DLC1: variants seen among roughly 807,000 people sequenced by gnomAD.
DLC1 encodes DLC1 Rho GTPase activating protein.
Under a neutral mutation model 140.3 loss-of-function variants are expected in DLC1, and 54 were observed. The ratio of observed to expected loss-of-function variants is 0.38; its 90% CI spans 0.31 to 0.48. The LOEUF is 0.48. Ranked by LOEUF, DLC1 falls within the 20% of genes least tolerant of loss-of-function variation. The pLI is 0.96. For synonymous variants in DLC1, 986 were observed against 728.1 expected (o/e 1.35, Z -5.70); for missense variants, 2,536 against 1,907.0 (o/e 1.33, Z -6.14).
chr8:13,478,537 A>T lies in DLC1; in HGVS notation c.1023+20512T>A, dbSNP rs148110925. On this transcript the variant is annotated intron_variant, in intron 2 of 17. Coordinates refer to ENST00000276297, the MANE Select transcript of DLC1 (RefSeq NM_182643.3). ...CCCTTCTGTTCAAAGATGAACTCAT[A>T]GCTAAAAAATGCAAGACATCCCGTT... Among the ~76,000 whole-genome samples the T allele has an allele frequency of 3.4e-3, 516 of 152,312 alleles. 3 individuals carry two copies. Among genetic ancestry groups the T allele is most frequent in the African/African-American group, 0.012 (503 of 41,566 alleles).
intron 5 of DLC1, among the ~76,000 whole-genome samples, chr8:13,131,177 A>T (rs1052443980): frequency 6.6e-6 from 1 of 152,176 alleles, no homozygotes; most frequent in Non-Finnish European, 1.5e-5. Context: ...CAACTCCATT[A>T]ATTCCACACT....
intron 5 of DLC1, among the ~76,000 whole-genome samples, chr8:13,170,687 G>A (rs951398815): frequency 2.9e-5 from 4 of 139,918 alleles, no homozygotes; most frequent in South Asian, 2.2e-4. Context: ...CCGAGATCGC[G>A]CCACTGCACT....
chr8:13,183,557 G>A (rs1264366295), intron 5 of DLC1, among the ~76,000 whole-genome samples: 1 of 152,134 alleles, frequency 6.6e-6, no homozygotes, highest in Admixed American at 6.5e-5. Flanking sequence ...GGCCTTTTCT[G>A]CATCTATTGA....
intron 5 of DLC1, among the ~76,000 whole-genome samples, chr8:13,248,763 T>C (rs1439701996): frequency 6.6e-6 from 1 of 152,198 alleles, no homozygotes; most frequent in Admixed American, 6.5e-5. Flanking sequence ...GCCAGTCTTT[T>C]ACTCTTGAAC....
intron 5 of DLC1, among the ~76,000 whole-genome samples, chr8:13,173,960 C>T (rs1825629320): frequency 6.6e-6 from 1 of 152,072 alleles, no homozygotes; most frequent in African/African-American, 2.4e-5. Context: ...GATCTCATCA[C>T]CCAGGTAGTG....
intron 5 of DLC1, among the ~76,000 whole-genome samples, chr8:13,160,656 G>T (rs1363257081): frequency 2.6e-5 from 4 of 152,202 alleles, no homozygotes; most frequent in Non-Finnish European, 5.9e-5. Context: ...ACCGCAGAAA[G>T]CTTCATGCAT....
intron 1 of DLC1, among the ~76,000 whole-genome samples, chr8:13,552,886 A>C (rs370428502): frequency 6.6e-6 from 1 of 151,948 alleles, no homozygotes; most frequent in Non-Finnish European, 1.5e-5. Context: ...TCTAGAGAGC[A>C]TTAATATGTA....
At chr8:13,088,131 G>A (rs533760233) in intron 16 of DLC1, among the ~76,000 whole-genome samples, 7 of 152,236 alleles carry the variant, frequency 4.6e-5, no homozygotes, top group Admixed American at 3.3e-4. Context: ...CCCAGGCTGC[G>A]GTACAGTGGC....
chr8:13,193,996 T>C (rs1427525587), intron 5 of DLC1, among the ~76,000 whole-genome samples: 1 of 152,206 alleles, frequency 6.6e-6, no homozygotes, highest in African/African-American at 2.4e-5. Flanking sequence ...CAGGCTTATA[T>C]GTGCACTAAA....
chr8:13,200,986 C>CA (rs1585898293), intron 5 of DLC1, among the ~76,000 whole-genome samples: 2 of 152,046 alleles, frequency 1.3e-5, no homozygotes, highest in East Asian at 1.9e-4. Context: ...AGAACACACA[C>CA]AAAAAATGGA....
At chr8:13,231,735 C>A (rs1829054391) in intron 5 of DLC1, among the ~76,000 whole-genome samples, 1 of 152,190 alleles carries the variant, frequency 6.6e-6, no homozygotes, top group South Asian at 2.1e-4. Context: ...CATTATTGAG[C>A]ACAGCGATGT....
chr8:13,503,508 G>C (rs1414639502), intron 1 of DLC1, among the ~76,000 whole-genome samples: 2 of 152,072 alleles, frequency 1.3e-5, no homozygotes. Flanking sequence ...CTCTATTTTT[G>C]CACTTGTCTC....
chr8:13,376,191 C>G (rs1474974643), intron 4 of DLC1, among the ~76,000 whole-genome samples: 2 of 152,118 alleles, frequency 1.3e-5, no homozygotes, highest in Non-Finnish European at 2.9e-5. Context: ...CTCCCATTTT[C>G]TCTTCCAGAG....
chr8:13,500,522 C>G (rs1267092895), intron 1 of DLC1, among the ~76,000 whole-genome samples: 1 of 152,172 alleles, frequency 6.6e-6, no homozygotes. Flanking sequence ...TAATAAAAAT[C>G]ACTGGAAGAA....
chr8:13,460,859 A>G (rs182939069), intron 2 of DLC1, among the ~76,000 whole-genome samples: 1 of 152,276 alleles, frequency 6.6e-6, no homozygotes, highest in Admixed American at 6.5e-5. Context: ...TCTTTCCTCT[A>G]TGGAGTTACA....
chr8:13,582,774 G>A (rs375924037), intron 1 of DLC1, among the ~76,000 whole-genome samples: 222 of 149,746 alleles, frequency 1.5e-3, no homozygotes, highest in Admixed American at 2.7e-3. Context: ...TGTGGATTCG[G>A]TTCTATAATA....
chr8:13,111,212 TCA>T (rs1820082051), intron 6 of DLC1, among the ~76,000 whole-genome samples: 1 of 152,036 alleles, frequency 6.6e-6, no homozygotes, highest in South Asian at 2.1e-4. Flanking sequence ...GTGTCTTTGC[TCA>T]CGTGTGATCA....
At chr8:13,280,996 C>A (rs1045688846) in intron 5 of DLC1, among the ~76,000 whole-genome samples, 3 of 152,190 alleles carry the variant, frequency 2.0e-5, no homozygotes, top group African/African-American at 7.2e-5. Flanking sequence ...TGTAACTCCA[C>A]AGAAGATCTT....
intron 2 of DLC1, among the ~76,000 whole-genome samples, chr8:13,417,029 A>G (rs553834623): frequency 6.6e-6 from 1 of 152,230 alleles, no homozygotes; most frequent in Non-Finnish European, 1.5e-5. Context: ...ATTTCTTGAG[A>G]GCAGTCGGGC....
Sources: gnomAD v4.1 joint callset for allele counts (sites outside exome capture counted in the v4.1 genomes callset) on GRCh38, gnomAD v4.1.1 for gene constraint, MANE v1.5 for transcripts, NCBI Gene and HGNC (gene_info 2026-07-23, HGNC 2026-07-21) for gene names.